MEIS2: variants seen among roughly 807,000 people sequenced by gnomAD.
MEIS2 encodes the protein homeobox protein Meis2.
MEIS2 carries 9 observed loss-of-function variants against 58.6 expected under a neutral mutation model. The observed-to-expected ratio is 0.15, with a 90% CI of 0.09 to 0.27. MEIS2 has a LOEUF of 0.27. Ranked by LOEUF, MEIS2 falls within the 10% of genes least tolerant of loss-of-function variation. The pLI is 1.00. For missense variants in MEIS2, 427 were observed against 635.0 expected, an observed-to-expected ratio of 0.67 and a Z score of 3.52; for synonymous variants, 221 against 228.4, an observed-to-expected ratio of 0.97 and a Z score of 0.29.
chr15:36,944,824 T>C (rs1354805782), intron 9 of MEIS2, among the ~76,000 whole-genome samples: 1 of 152,042 alleles, frequency 6.6e-6, no homozygotes, highest in Non-Finnish European at 1.5e-5. Flanking sequence ...AGCAGGCTTG[T>C]TCCCTTTAGG....
At chr15:37,040,112 T>C (rs1388304230) in intron 7 of MEIS2, among the ~76,000 whole-genome samples, 1 of 151,604 alleles carries the variant, frequency 6.6e-6, no homozygotes, top group East Asian at 1.9e-4. Context: ...GTGTATAAGA[T>C]AGTTGGCAAT....
intron 9 of MEIS2, among the ~76,000 whole-genome samples, chr15:36,908,032 CATATT>C (rs982442248): frequency 6.6e-5 from 10 of 151,784 alleles, no homozygotes; most frequent in African/African-American, 1.5e-4. Flanking sequence ...ATTATGAAAA[CATATT>C]ATATTATGTC....
chr15:36,981,975 C>A (rs2141511517), intron 8 of MEIS2, among the ~76,000 whole-genome samples: 1 of 152,104 alleles, frequency 6.6e-6, no homozygotes, highest in East Asian at 1.9e-4. Context: ...TCAGGCCTTA[C>A]ATGTTGAACT....
rs1475185385 is a variant in MEIS2 at position 37,065,954 on chromosome 15, T to C, written c.754+17817A>G. Among the ~76,000 whole-genome samples, 12 of 152,304 alleles carry C rather than the reference T, an allele frequency of 7.9e-5. No homozygotes were observed. The South Asian group carries it at 1.7e-3, about 21-fold the overall frequency. ...GCATTTTTACTTATATATAAGTTGA[T>C]GACTATGACATAGGAGTTTTGGAAA... is the stretch of plus-strand genomic sequence containing the variant. On this transcript the variant is annotated intron_variant, in intron 7 of 11. Coordinates refer to ENST00000561208, the MANE Select transcript of MEIS2 (RefSeq NM_170675.5).
chr15:37,019,701 G>A (rs1432118846), intron 8 of MEIS2, among the ~76,000 whole-genome samples: 1 of 152,160 alleles, frequency 6.6e-6, no homozygotes, highest in Non-Finnish European at 1.5e-5. Flanking sequence ...GCTGCACATG[G>A]TGAAACGCAG....
intron 8 of MEIS2, among the ~76,000 whole-genome samples, chr15:37,027,088 A>G (rs2061732511): frequency 6.6e-6 from 1 of 152,230 alleles, no homozygotes; most frequent in Non-Finnish European, 1.5e-5. Context: ...AGTGGCACAC[A>G]GCACCTAAAT....
At chr15:36,964,355 T>C (rs2059288852) in intron 8 of MEIS2, among the ~76,000 whole-genome samples, 1 of 152,224 alleles carries the variant, frequency 6.6e-6, no homozygotes, top group South Asian at 2.1e-4. Context: ...ATTTCTTCAG[T>C]GCTTGACCTG....
At chr15:36,894,619 G>A in intron 11 of MEIS2, 2 of 980,596 alleles carry the variant, frequency 2.0e-6, no homozygotes, top group Admixed American at 2.2e-5. Context: ...AAGGCATGCA[G>A]TTATGGGCAA....
intron 7 of MEIS2, among the ~76,000 whole-genome samples, chr15:37,074,462 C>T (rs765268306): frequency 2.0e-5 from 3 of 151,820 alleles, no homozygotes; most frequent in Non-Finnish European, 4.4e-5. Flanking sequence ...ATAAAATGTA[C>T]AAATAAAAAT....
intron 8 of MEIS2, among the ~76,000 whole-genome samples, chr15:36,966,346 T>A (rs754258594): frequency 6.6e-6 from 1 of 152,190 alleles, no homozygotes; most frequent in Non-Finnish European, 1.5e-5. Flanking sequence ...GTCAGAGAAA[T>A]GGCTCAAGCA....
intron 7 of MEIS2, among the ~76,000 whole-genome samples, chr15:37,051,305 G>A (rs1248279532): frequency 6.6e-6 from 1 of 152,160 alleles, no homozygotes; most frequent in Non-Finnish European, 1.5e-5. Context: ...ATAAACTACT[G>A]ATACCCCCAG....
intron 8 of MEIS2, among the ~76,000 whole-genome samples, chr15:36,974,283 C>T (rs920656249): frequency 7.2e-5 from 11 of 152,126 alleles, no homozygotes; most frequent in Non-Finnish European, 1.5e-5. Context: ...ATATTTCAAG[C>T]TCCTACATAG....
chr15:37,048,109 T>C (rs1304527440), intron 7 of MEIS2, among the ~76,000 whole-genome samples: 2 of 152,178 alleles, frequency 1.3e-5, no homozygotes, highest in Non-Finnish European at 2.9e-5. Context: ...AGATATGGCC[T>C]TTATATTTGC....
intron 7 of MEIS2, among the ~76,000 whole-genome samples, chr15:37,054,732 T>G (rs1023404058): frequency 1.9e-4 from 29 of 152,214 alleles, no homozygotes; most frequent in Non-Finnish European, 5.9e-5. Context: ...TTTGTGTGTT[T>G]TTAAAGAGGG....
rs1385780129 is a variant in MEIS2 at position 36,889,400 on chromosome 15, T to G, written c.*2773A>C. ...TTCCGGGGTGGTGTAAAAAAAGCAT[T>G]ATAAAAATTGGACAAATCTATCACT... On this transcript the variant is annotated 3_prime_UTR_variant, in exon 12 of 12. Transcript: ENST00000561208. 1 of 151,994 alleles carries G rather than the reference T, an allele frequency of 6.6e-6. No individual in the cohort carries two copies. 9.4% of individuals were successfully genotyped at this position (151,994 alleles called of 1,614,324 possible).
intron 5 of MEIS2, among the ~76,000 whole-genome samples, chr15:37,094,190 A>T (rs1171207478): frequency 6.6e-6 from 1 of 152,204 alleles, no homozygotes; most frequent in African/African-American, 2.4e-5. Flanking sequence ...CTCTGCCTGC[A>T]CCTAATGCAA....
intron 9 of MEIS2, among the ~76,000 whole-genome samples, chr15:36,943,326 TG>T (rs2058439354): frequency 6.6e-6 from 1 of 152,148 alleles, no homozygotes; most frequent in South Asian, 2.1e-4. Context: ...ATCCAAATAC[TG>T]GTATAATGAA....
chr15:36,959,593 T>C (rs1444522554), intron 8 of MEIS2, among the ~76,000 whole-genome samples: 1 of 151,890 alleles, frequency 6.6e-6, no homozygotes, highest in Non-Finnish European at 1.5e-5. Flanking sequence ...AGATAGAAAA[T>C]GAGAAGGAAG....
intron 8 of MEIS2, among the ~76,000 whole-genome samples, chr15:37,024,800 C>T (rs1357290807): frequency 3.9e-5 from 6 of 152,138 alleles, no homozygotes; most frequent in African/African-American, 1.2e-4. Context: ...CCAGCTTGAC[C>T]AGGATGAAAA....
Sources: gnomAD v4.1 joint callset for allele counts (sites outside exome capture counted in the v4.1 genomes callset) on GRCh38, gnomAD v4.1.1 for gene constraint, MANE v1.5 for transcripts, NCBI Gene and HGNC (gene_info 2026-07-23, HGNC 2026-07-21) for gene names.